The following WDR7 variants were observed in gnomAD, a reference collection of about 807,000 sequenced individuals.
WDR7 encodes WD repeat domain 7.
A neutral mutation model predicts 169.4 loss-of-function variants in WDR7; 46 were observed. The ratio of observed to expected loss-of-function variants is 0.27; its 90% CI spans 0.21 to 0.35. The LOEUF (loss-of-function observed/expected upper bound fraction) is 0.35, where lower values mean the gene tolerates loss of function less well. Ranked by LOEUF, WDR7 falls within the 10% of genes least tolerant of loss-of-function variation. The probability of loss-of-function intolerance (pLI) is 1.00; values close to 1 mark genes in which losing one functional copy is unlikely to be tolerated. For synonymous variants in WDR7, 612 were observed against 666.8 expected, an observed-to-expected ratio of 0.92 and a Z score of 1.27; for missense variants, 1,534 against 1,859.3, an observed-to-expected ratio of 0.83 and a Z score of 3.22.
intron 27 of WDR7, 116 bp downstream of exon 27, chr18:57,020,965 C>G: frequency 1.2e-6 from 1 of 826,872 alleles, no homozygotes; most frequent in Non-Finnish European, 2.0e-6. Context: ...TCCCTCCTTG[C>G]AGCAAACATC....
intron 25 of WDR7, among the ~76,000 whole-genome samples, chr18:56,942,391 A>G (rs2047046396): frequency 3.3e-5 from 5 of 152,156 alleles, no homozygotes. Flanking sequence ...TCCCTCTGGT[A>G]TCTGGTCAGG....
At chr18:56,784,942 A>G (rs1032216243) in intron 19 of WDR7, among the ~76,000 whole-genome samples, 1 of 151,914 alleles carries the variant, frequency 6.6e-6, no homozygotes, top group Non-Finnish European at 1.5e-5. Context: ...AAAGACAAAC[A>G]TGCATTCTAC....
intron 24 of WDR7, 103 bp downstream of exon 24, chr18:56,938,785 T>C: frequency 1.5e-6 from 2 of 1,338,130 alleles, no homozygotes; most frequent in Non-Finnish European, 2.1e-6. Flanking sequence ...CTAAAAGAGA[T>C]GAAGGGTGAG....
chr18:56,684,127 C>G (rs532463937), intron 5 of WDR7, among the ~76,000 whole-genome samples: 2 of 152,130 alleles, frequency 1.3e-5, no homozygotes, highest in Admixed American at 6.5e-5. Flanking sequence ...CAGGATGTTT[C>G]TGGCAAAGGA....
chr18:56,842,932 A>G (rs1026344327), intron 20 of WDR7, among the ~76,000 whole-genome samples: 2 of 152,230 alleles, frequency 1.3e-5, no homozygotes, highest in Non-Finnish European at 2.9e-5. Flanking sequence ...ATTTTACACC[A>G]AAAAAGAATT....
intron 20 of WDR7, among the ~76,000 whole-genome samples, chr18:56,863,913 T>C (rs1191350801): frequency 6.6e-6 from 1 of 151,818 alleles, no homozygotes; most frequent in Non-Finnish European, 1.5e-5. Context: ...GAAAGAGTTC[T>C]AAAAATCTCA....
chr18:56,945,456 A>T (rs751399072), intron 25 of WDR7, among the ~76,000 whole-genome samples: 3 of 152,222 alleles, frequency 2.0e-5, no homozygotes, highest in Admixed American at 6.5e-5. Flanking sequence ...AAGACATAAA[A>T]TATGTGTGTA....
At chr18:56,877,753 C>T (rs2046045626) in intron 20 of WDR7, among the ~76,000 whole-genome samples, 2 of 151,998 alleles carry the variant, frequency 1.3e-5, no homozygotes, top group Admixed American at 6.6e-5. Flanking sequence ...TAATTTATTT[C>T]AGGTAACATT....
At chr18:56,765,765 G>A (rs1419909088) in intron 16 of WDR7, among the ~76,000 whole-genome samples, 1 of 151,840 alleles carries the variant, frequency 6.6e-6, no homozygotes, top group East Asian at 1.9e-4. Flanking sequence ...CTTACTTTAA[G>A]CTTTCTTTTT....
At chr18:56,985,596 A>T (rs1021464791) in intron 26 of WDR7, among the ~76,000 whole-genome samples, 2 of 152,072 alleles carry the variant, frequency 1.3e-5, no homozygotes, top group Non-Finnish European at 2.9e-5. Context: ...CTTTCCTCTT[A>T]GTTACCTTGA....
At chr18:56,836,673 AGAT>A (rs1346265235) in intron 20 of WDR7, among the ~76,000 whole-genome samples, 3 of 152,200 alleles carry the variant, frequency 2.0e-5, no homozygotes, top group African/African-American at 7.2e-5. Context: ...CAATAAAAGA[AGAT>A]AATATGAACA....
At chr18:56,861,002 A>T (rs773987042) in intron 20 of WDR7, among the ~76,000 whole-genome samples, 5 of 152,002 alleles carry the variant, frequency 3.3e-5, no homozygotes, top group Non-Finnish European at 5.9e-5. Flanking sequence ...CTCTATTTCT[A>T]TGTTAACTGT....
intron 14 of WDR7, among the ~76,000 whole-genome samples, chr18:56,743,067 G>A (rs1483333520): frequency 4.8e-4 from 73 of 152,138 alleles, no homozygotes; most frequent in Admixed American, 4.5e-3. Flanking sequence ...AGTTAGATTC[G>A]GTGAGACTTC....
At chr18:56,976,041 A>G (rs2047560031) in intron 26 of WDR7, among the ~76,000 whole-genome samples, 1 of 152,150 alleles carries the variant, frequency 6.6e-6, no homozygotes, top group Non-Finnish European at 1.5e-5. Context: ...CAGACCTTCA[A>G]TTTTGGAAGG....
chr18:56,903,787 C>G (rs1477437394), intron 21 of WDR7, among the ~76,000 whole-genome samples: 2 of 152,112 alleles, frequency 1.3e-5, no homozygotes, highest in Non-Finnish European at 1.5e-5. Context: ...CTATGGACCA[C>G]AAGTAGATTC....
chr18:56,785,101 G>C (rs1391836246), intron 19 of WDR7, among the ~76,000 whole-genome samples: 2 of 152,150 alleles, frequency 1.3e-5, no homozygotes, highest in Non-Finnish European at 2.9e-5. Flanking sequence ...AGGGAGTAGG[G>C]ATTCTGAACG....
chr18:56,787,463 A>G (rs1384679399), intron 19 of WDR7, among the ~76,000 whole-genome samples: 1 of 152,210 alleles, frequency 6.6e-6, no homozygotes, highest in African/African-American at 2.4e-5. Context: ...TTGCAAATGT[A>G]TCATCTCAGA....
intron 12 of WDR7, among the ~76,000 whole-genome samples, chr18:56,708,397 G>A (rs1467297705): frequency 6.6e-6 from 1 of 152,120 alleles, no homozygotes; most frequent in Admixed American, 6.6e-5. Flanking sequence ...CAAGCAGACA[G>A]ATTAAAAATC....
intron 12 of WDR7, among the ~76,000 whole-genome samples, chr18:56,699,433 G>T (rs1333869917): frequency 6.6e-6 from 1 of 152,178 alleles, no homozygotes; most frequent in African/African-American, 2.4e-5. Context: ...GGCAATAGTA[G>T]TTGAGATAGT....
Sources: gnomAD v4.1 joint callset for allele counts (sites outside exome capture counted in the v4.1 genomes callset) on GRCh38, gnomAD v4.1.1 for gene constraint, MANE v1.5 for transcripts, NCBI Gene and HGNC (gene_info 2026-07-23, HGNC 2026-07-21) for gene names.